The following ADAMTSL3 variants were observed in gnomAD, a reference collection of about 807,000 sequenced individuals.
The protein encoded by ADAMTSL3 is ADAMTS-like protein 3.
Under a neutral mutation model 201.7 loss-of-function variants are expected in ADAMTSL3, and 128 were observed. That is an observed-to-expected ratio of 0.63 (90% CI 0.55 to 0.73). The LOEUF (loss-of-function observed/expected upper bound fraction) is 0.73, where lower values mean the gene tolerates loss of function less well. Ranked by LOEUF, ADAMTSL3 falls within the 30% of genes least tolerant of loss-of-function variation. The pLI is 0.00. For synonymous variants in ADAMTSL3, 738 were observed against 748.4 expected, an observed-to-expected ratio of 0.99 and a Z score of 0.23; for missense variants, 1,990 against 2,119.6, an observed-to-expected ratio of 0.94 and a Z score of 1.20.
intron 7 of ADAMTSL3, among the ~76,000 whole-genome samples, chr15:83,843,424 G>A (rs1026832129): frequency 6.6e-6 from 1 of 152,142 alleles, no homozygotes; most frequent in Non-Finnish European, 1.5e-5. Flanking sequence ...TCCTGCCTGC[G>A]TGAAAACACA....
intron 4 of ADAMTSL3, among the ~76,000 whole-genome samples, chr15:83,783,919 G>T (rs765525906): frequency 1.5e-4 from 22 of 151,622 alleles, no homozygotes; most frequent in Non-Finnish European, 3.2e-4. Flanking sequence ...GTCAAAGTTT[G>T]ATCAAGTCCC....
intron 17 of ADAMTSL3, among the ~76,000 whole-genome samples, chr15:83,938,264 G>T (rs955844014): frequency 6.6e-6 from 1 of 152,098 alleles, no homozygotes; most frequent in Non-Finnish European, 1.5e-5. Context: ...ACCAATGCCT[G>T]GTCCCATATA....
chr15:84,025,296 C>A lies in ADAMTSL3; in HGVS notation c.4516C>A (p.Arg1506=). ...GTCTTGCGGTGAAGGATACCACAGTCGGCAGGTGACGTGCAAGCGGACAAA... is the reference window on the plus strand; with the variant it reads ...GTCTTGCGGTGAAGGATACCACAGTAGGCAGGTGACGTGCAAGCGGACAAA... The part of the protein sequence containing the change: ...SVSCGEGYHS[R]QVTCKRTKAN... Residue 1506 remains arginine, a synonymous_variant, in exon 27 of 30, where the codon CGG becomes AGG. Coordinates refer to ENST00000286744, the MANE Select transcript of ADAMTSL3 (RefSeq NM_207517.3). 1.2e-6 allele frequency: 2 copies of A among 1,613,814 alleles called. No homozygotes were observed. Among genetic ancestry groups the A allele is most frequent in the South Asian group, 2.2e-5 (2 of 90,982 alleles).
Position 83,788,083 on chromosome 15 carries a change from T to C in ADAMTSL3, c.317+14433T>C, listed in dbSNP as rs188964981. Among the ~76,000 whole-genome samples, 555 of 152,316 alleles carry C rather than the reference T, an allele frequency of 3.6e-3. 1 individual carries two copies. The highest frequency in any genetic ancestry group is 0.01 in the Middle Eastern group (3 of 294). On this transcript the variant is annotated intron_variant, in intron 4 of 29. Coordinates refer to ENST00000286744, the MANE Select transcript of ADAMTSL3 (RefSeq NM_207517.3). ...TATTTTCCCTTTCCTGAGTTTTTTT[T>C]CCACTAGAGTCAATAATTACCTTGC...
intron 6 of ADAMTSL3, among the ~76,000 whole-genome samples, chr15:83,833,309 T>C (rs547354051): frequency 7.9e-5 from 12 of 152,304 alleles, no homozygotes; most frequent in African/African-American, 2.9e-4. Context: ...AGATTCAGTG[T>C]CTGGTGAGGG....
chr15:83,700,065 G>A (rs1318801302), intron 2 of ADAMTSL3, among the ~76,000 whole-genome samples: 1 of 152,040 alleles, frequency 6.6e-6, no homozygotes, highest in African/African-American at 2.4e-5. Context: ...TGTATCTATC[G>A]CACTGAGAAC....
At chr15:83,766,625 G>A (rs560700226) in intron 3 of ADAMTSL3, among the ~76,000 whole-genome samples, 7 of 152,268 alleles carry the variant, frequency 4.6e-5, no homozygotes, top group African/African-American at 1.4e-4. Flanking sequence ...ATTCCTGGTC[G>A]TGAAAGGAAG....
intron 4 of ADAMTSL3, among the ~76,000 whole-genome samples, chr15:83,785,771 T>A (rs1213522020): frequency 6.6e-6 from 1 of 152,106 alleles, no homozygotes; most frequent in Non-Finnish European, 1.5e-5. Context: ...ACATTTATCA[T>A]GTTCTCTTTA....
chr15:83,920,430 C>T (rs1277403960), intron 16 of ADAMTSL3, among the ~76,000 whole-genome samples: 2 of 152,142 alleles, frequency 1.3e-5, no homozygotes, highest in Admixed American at 6.5e-5. Context: ...TCAATTGGTT[C>T]CTAAAAAGAA....
At chr15:83,725,321 T>C (rs939552765) in intron 3 of ADAMTSL3, among the ~76,000 whole-genome samples, 2 of 152,170 alleles carry the variant, frequency 1.3e-5, no homozygotes, top group South Asian at 2.1e-4. Flanking sequence ...CTGAGTACTT[T>C]TTCATATGCC....
Position 83,838,225 on chromosome 15 carries a change from A to C in ADAMTSL3, c.727+10A>C. On this transcript the variant is annotated intron_variant, in intron 7 of 29. Transcript: ENST00000286744. Reference sequence around the variant, plus strand: ...GTTTCTCCTGAAAAAAGTAGGTTTTAAACCCAATACGTTATTACCATCATA... The same window carrying C: ...GTTTCTCCTGAAAAAAGTAGGTTTTCAACCCAATACGTTATTACCATCATA... 1 of 1,611,826 alleles carries C rather than the reference A, an allele frequency of 6.2e-7. No homozygotes were observed. The highest frequency in any genetic ancestry group is 8.5e-7 in the Non-Finnish European group (1 of 1,178,998).
chr15:83,743,469 C>T (rs1352131954), intron 3 of ADAMTSL3, among the ~76,000 whole-genome samples: 1 of 147,572 alleles, frequency 6.8e-6, no homozygotes, highest in Non-Finnish European at 1.5e-5. Context: ...GCCGAGATTG[C>T]GCCACTGCAG....
At chr15:83,760,453 AAT>A (rs1182180801) in intron 3 of ADAMTSL3, among the ~76,000 whole-genome samples, 2 of 152,102 alleles carry the variant, frequency 1.3e-5, no homozygotes, top group Non-Finnish European at 2.9e-5. Context: ...AAATACAAAA[AAT>A]ATATATTCTG....
At chr15:83,778,450 G>C (rs1310122546) in intron 4 of ADAMTSL3, among the ~76,000 whole-genome samples, 3 of 152,216 alleles carry the variant, frequency 2.0e-5, no homozygotes, top group Non-Finnish European at 2.9e-5. Flanking sequence ...AGCAAGAAGA[G>C]ATTCTGGGCC....
At chr15:83,922,539 C>G (rs773879429) in intron 16 of ADAMTSL3, among the ~76,000 whole-genome samples, 1 of 152,138 alleles carries the variant, frequency 6.6e-6, no homozygotes, top group Non-Finnish European at 1.5e-5. Flanking sequence ...TACAAGGTAA[C>G]TACGTTTTGA....
In ADAMTSL3 at chr15:83,903,917, CAAAAAAAAAAAA is replaced by C. The variant is rs1168502648; in HGVS notation, c.1700+4202_1700+4213del. On this transcript the variant is annotated intron_variant, in intron 15 of 29. Coordinates refer to ENST00000286744, the MANE Select transcript of ADAMTSL3 (RefSeq NM_207517.3). ...TGGGTGACAGTGCCAGACTCCACAT[CAAAAAAAAAAAA>C]AAAAAAAAAAAAAAAGAAAAAAGAA... 4.2e-4 allele frequency among the ~76,000 whole-genome samples: 8 copies of C among 19,272 alleles called. 1 individual carries two copies. Among genetic ancestry groups the C allele is most frequent in the African/African-American group, 3.5e-3 (8 of 2,292 alleles). The allele number at this position is 19,272 out of a possible 152,430, so 12.6% of individuals were successfully genotyped here. A position where few individuals can be genotyped will look rare whatever the true frequency, so the allele number is the denominator to read the frequency against.
At chr15:83,762,802 T>C (rs2062828620) in intron 3 of ADAMTSL3, among the ~76,000 whole-genome samples, 1 of 152,238 alleles carries the variant, frequency 6.6e-6, no homozygotes, top group Non-Finnish European at 1.5e-5. Context: ...GTATGTATGC[T>C]TCTTACTTCT....
At chr15:83,929,876 C>A (rs1185095951) in intron 17 of ADAMTSL3, among the ~76,000 whole-genome samples, 1 of 152,120 alleles carries the variant, frequency 6.6e-6, no homozygotes, top group East Asian at 1.9e-4. Flanking sequence ...CCTGCTCATT[C>A]ATGCCATTTG....
rs1404383538 is a variant in ADAMTSL3 at position 84,025,372 on chromosome 15, A to G, written c.4592A>G (p.Asp1531Gly). Residue 1531 changes from aspartate to glycine, a missense_variant, in exon 27 of 30, where the codon GAC becomes GGC. Transcript: ENST00000286744. ...VVSPRACAPK[D>G]RPLGRKPCFG... Reference sequence around the variant, plus strand: ...TCTCCAAGAGCATGTGCCCCTAAAGACCGGCCTCTGGGAAGAAAACCATGT... The same window carrying G: ...TCTCCAAGAGCATGTGCCCCTAAAGGCCGGCCTCTGGGAAGAAAACCATGT... 1 of 1,613,886 alleles carries G rather than the reference A, an allele frequency of 6.2e-7. No homozygotes were observed. The highest frequency in any genetic ancestry group is 8.5e-7 in the Non-Finnish European group (1 of 1,180,006).
Sources: gnomAD v4.1 joint callset for allele counts (sites outside exome capture counted in the v4.1 genomes callset) on GRCh38, gnomAD v4.1.1 for gene constraint, MANE v1.5 for transcripts, NCBI Gene and HGNC (gene_info 2026-07-23, HGNC 2026-07-21) for gene names.